SPTBN2: variants seen among roughly 807,000 people sequenced by gnomAD.
SPTBN2 encodes the protein spectrin beta, non-erythrocytic 2, also known as spectrin beta chain, non-erythrocytic 2.
SPTBN2 carries 107 observed loss-of-function variants against 284.2 expected under a neutral mutation model. The observed-to-expected ratio is 0.38, with a 90% CI of 0.32 to 0.44. SPTBN2 has a LOEUF of 0.44. SPTBN2 is among the 20% of genes least tolerant of loss of function. The pLI, the probability that SPTBN2 is intolerant of heterozygous loss-of-function variation, is 1.00. For missense variants in SPTBN2, 2,569 were observed against 3,287.1 expected, an observed-to-expected ratio of 0.78 and a Z score of 5.34; for synonymous variants, 1,289 against 1,354.8, an observed-to-expected ratio of 0.95 and a Z score of 1.07.
In SPTBN2 at chr11:66,708,027, C is replaced by CAA; in HGVS notation, c.1350+113_1350+114insTT. On this transcript the variant is annotated intron_variant, in intron 12 of 37. Transcript: ENST00000533211. This position sits in a 1 kb window ranked among gnomAD's most constrained non-coding sequence, Gnocchi z 4.4. ...GCTCCCGGACCTCTAGGCCTTTTTA[C>CAA]CCAGGTGACGGATTTTGTGTTTCAT... 2 of 1,550,900 alleles carry CAA rather than the reference C, an allele frequency of 1.3e-6. No homozygotes were observed. Among genetic ancestry groups the CAA allele is most frequent in the Non-Finnish European group, 1.8e-6 (2 of 1,128,848 alleles).
chr11:66,687,897 G>T lies in SPTBN2; in HGVS notation c.6472C>A (p.Leu2158Ile). Reference sequence around the variant, plus strand: ...CCTTCGGGGAAGCTGCTGTGCTCAAGTCTCTGTTGTCCCAGCAGGGGCTGC... The same window carrying T: ...CCTTCGGGGAAGCTGCTGTGCTCAATTCTCTGTTGTCCCAGCAGGGGCTGC... ...PSQPLLGQQR[L>I]EHSSFPEGPG... The change falls in exon 34 of 38, where the codon CTT becomes ATT. Residue 2158 changes from leucine to isoleucine, a missense_variant. This residue lies in a region of SPTBN2 where 1,130 missense variants were observed against 1,317.3 expected (regional missense o/e 0.86). Transcript: ENST00000533211. This position sits in a 1 kb window ranked among gnomAD's most constrained non-coding sequence, Gnocchi z 5.2. 6.2e-7 allele frequency: 1 copy of T among 1,614,174 alleles called. No homozygotes were observed. The highest frequency in any genetic ancestry group is 8.5e-7 in the Non-Finnish European group (1 of 1,180,034).
Position 66,687,794 on chromosome 11 carries a change from C to A in SPTBN2, c.6501+74G>T. 1 of 1,603,578 alleles carries A rather than the reference C, an allele frequency of 6.2e-7. No homozygotes were observed. Among genetic ancestry groups the A allele is most frequent in the Non-Finnish European group, 8.5e-7 (1 of 1,170,654 alleles). Reference sequence around the variant, plus strand: ...TCTCCCATCCCATCCCCAGTACTCCCCCACCCGCACTCACCACCCCCTCTG... The same window carrying A: ...TCTCCCATCCCATCCCCAGTACTCCACCACCCGCACTCACCACCCCCTCTG... On this transcript the variant is annotated intron_variant, in intron 34 of 37. Transcript: ENST00000533211. The surrounding 1 kb of genome is among the most constrained non-coding windows in gnomAD (Gnocchi z 5.2).
chr11:66,685,641 GGA>G lies in SPTBN2; in HGVS notation c.*228_*229del. 3.6e-6 allele frequency: 2 copies of G among 558,596 alleles called. No individual in the cohort carries two copies. Among genetic ancestry groups the G allele is most frequent in the Non-Finnish European group, 6.5e-6 (2 of 308,334 alleles). The allele number at this position is 558,596 out of a possible 1,614,324, so 34.6% of individuals were successfully genotyped here. On this transcript the variant is annotated 3_prime_UTR_variant, in exon 38 of 38. Coordinates refer to ENST00000533211, the MANE Select transcript of SPTBN2 (RefSeq NM_006946.4). This position sits in a 1 kb window ranked among gnomAD's most constrained non-coding sequence, Gnocchi z 4.4. ...GAAAGGGGAGAAGTCGGCGGGGGTG[GGA>G]GAGGGGGTTACCTGGGTCCCACCAC...
In SPTBN2 at chr11:66,707,600, C is replaced by T. The variant is rs765157121; in HGVS notation, c.1569G>A (p.Arg523=). 3.7e-6 allele frequency: 6 copies of T among 1,611,632 alleles called. No homozygotes were observed. The highest frequency in any genetic ancestry group is 3.3e-4 in the Middle Eastern group (2 of 6,076). Reference sequence around the variant, plus strand: ...CCAGGTTGAGGAGGAGCCGCTCCCGCCGGGCGGCCACCATCTGCCGCAAGA... The same window carrying T: ...CCAGGTTGAGGAGGAGCCGCTCCCGTCGGGCGGCCACCATCTGCCGCAAGA... The part of the protein sequence containing the change: ...WDFLRQMVAA[R]RERLLLNLEL... The change falls in exon 13 of 38, where the codon CGG becomes CGA. Residue 523 remains arginine (R), a synonymous_variant. Coordinates refer to ENST00000533211, the MANE Select transcript of SPTBN2 (RefSeq NM_006946.4). The surrounding 1 kb of genome is among the most constrained non-coding windows in gnomAD (Gnocchi z 4.9).
chr11:66,688,227 T>G lies in SPTBN2; in HGVS notation c.6316A>C (p.Ser2106Arg), dbSNP rs765304605. 5 of 1,613,674 alleles carry G rather than the reference T, an allele frequency of 3.1e-6. No homozygotes were observed. The highest frequency in any genetic ancestry group is 1.3e-5 in the African/African-American group (1 of 74,926). The change falls in exon 32 of 38, where the codon AGT becomes CGT. Residue 2106 changes from serine to arginine, a missense_variant. Physicochemically the swap from Ser to Arg is moderately radical, Grantham distance 110. This residue lies in a region of SPTBN2 where 1,130 missense variants were observed against 1,317.3 expected (regional missense o/e 0.86). Coordinates refer to ENST00000533211, the MANE Select transcript of SPTBN2 (RefSeq NM_006946.4). ...CCCACCAGGTCCCCTGGAGGCACACTGGCTGTGGGTTCGGGAGCAGGCGGC... is the reference window on the plus strand; with the variant it reads ...CCCACCAGGTCCCCTGGAGGCACACGGGCTGTGGGTTCGGGAGCAGGCGGC... ...KQPPAPEPTA[S>R]VPPGDLVGGQ...
At chr11:66,739,203 A>T (rs1197287005) in intron 1 of SPTBN2, among the ~76,000 whole-genome samples, 1 of 152,144 alleles carries the variant, frequency 6.6e-6, no homozygotes, top group Non-Finnish European at 1.5e-5. Context: ...GGCCTCCTCA[A>T]GTGCTGGGAT....
Position 66,720,979 on chromosome 11 carries a change from C to G in SPTBN2, c.157+105G>C. The G allele has an allele frequency of 3.3e-6, 5 of 1,505,112 alleles. No homozygotes were observed. In the Admixed American group the frequency reaches 5.8e-5, roughly 17 times the overall value. 93.2% of individuals were successfully genotyped at this position (1,505,112 alleles called of 1,614,324 possible). On this transcript the variant is annotated intron_variant, in intron 3 of 37. Transcript: ENST00000533211. Reference sequence around the variant, plus strand: ...TTGATAGAGTGCTCTGGGTCTCCCACTTAGAAAGAAAAGTCAGTCTTCCCA... The same window carrying G: ...TTGATAGAGTGCTCTGGGTCTCCCAGTTAGAAAGAAAAGTCAGTCTTCCCA...
At chr11:66,721,309 C>A (rs1942393150) in intron 2 of SPTBN2, 41 bp downstream of exon 2, 1 of 1,597,666 alleles carries the variant, frequency 6.3e-7, no homozygotes, top group Non-Finnish European at 8.6e-7. Flanking sequence ...GACCACCAAG[C>A]CCTCCACTCA....
At chr11:66,726,971 T>A (rs1177123533) in intron 1 of SPTBN2, among the ~76,000 whole-genome samples, 2 of 152,164 alleles carry the variant, frequency 1.3e-5, no homozygotes, top group Non-Finnish European at 2.9e-5. Flanking sequence ...CAGACTGTGT[T>A]CCTGATCAAT....
At position 66,687,488 on chromosome 11, in the gene SPTBN2, T is replaced by C. The variant is rs2135300688; in HGVS notation, c.6661A>G (p.Met2221Val). The change falls in exon 35 of 38, where the codon ATG (methionine) becomes GTG (valine). Residue 2221 changes from methionine to valine, a missense_variant. This residue lies in a region of SPTBN2 where 1,130 missense variants were observed against 1,317.3 expected (regional missense o/e 0.86). Coordinates refer to ENST00000533211, the MANE Select transcript of SPTBN2 (RefSeq NM_006946.4). This position sits in a 1 kb window ranked among gnomAD's most constrained non-coding sequence, Gnocchi z 5.2. ...TGCTTGCGGCACAGCATCCCCTCCA[T>C]CTGCTCCTGGGCAGATGGCTCTGGG... is the stretch of plus-strand genomic sequence containing the variant. Reference protein sequence around the residue: ...RGPEPSAQEQMEGMLCRKQEM... With the variant: ...RGPEPSAQEQVEGMLCRKQEM... 10 of 1,611,164 alleles carry C rather than the reference T, an allele frequency of 6.2e-6. No individual in the cohort carries two copies. Among genetic ancestry groups the C allele is most frequent in the Non-Finnish European group, 8.5e-6 (10 of 1,179,962 alleles).
intron 13 of SPTBN2, among the ~76,000 whole-genome samples, chr11:66,706,704 A>G (rs1373345718): frequency 1.4e-5 from 2 of 148,080 alleles, no homozygotes; most frequent in African/African-American, 2.5e-5. Flanking sequence ...ATCTTGGCTC[A>G]CTGCAACCTC....
In SPTBN2 at chr11:66,692,984, G is replaced by T; in HGVS notation, c.4971C>A (p.His1657Gln). The T allele has an allele frequency of 6.2e-7, 1 of 1,607,040 alleles. No individual in the cohort carries two copies. The highest frequency in any genetic ancestry group is 8.5e-7 in the Non-Finnish European group (1 of 1,179,974). The part of the protein sequence containing the change: ...LAASSQDMID[H>Q]EHPESTRISI... ...GCTGCACCCACCTCTCTGGGTGCTCGTGGTCAATCATGTCCTGGCTGCTGG... is the reference window on the plus strand; with the variant it reads ...GCTGCACCCACCTCTCTGGGTGCTCTTGGTCAATCATGTCCTGGCTGCTGG... Residue 1657 changes from histidine to glutamine, a missense_variant, in exon 25 of 38, where the codon CAC becomes CAA. By Grantham distance (24) the His-to-Gln change is conservative (BLOSUM62 0). Coordinates refer to ENST00000533211, the MANE Select transcript of SPTBN2 (RefSeq NM_006946.4).
chr11:66,719,341 C>CGCTGCTGGGCACATATACCAGGCGCCCT (rs1942289586), intron 3 of SPTBN2, among the ~76,000 whole-genome samples: 1 of 152,254 alleles, frequency 6.6e-6, no homozygotes, highest in Non-Finnish European at 1.5e-5. Flanking sequence ...CCAGACGCCC[C>CGCTGCTGGGCACATATACCAGGCGCCCT]GCTGCTGGGC....
At chr11:66,743,982 TC>T (rs1435524876) in intron 1 of SPTBN2, among the ~76,000 whole-genome samples, 1 of 151,854 alleles carries the variant, frequency 6.6e-6, no homozygotes, top group African/African-American at 2.4e-5. Flanking sequence ...TGCCTCAGCC[TC>T]CCGAGTAGCT....
chr11:66,691,960 A>C lies in SPTBN2; in HGVS notation c.5191-302T>G, dbSNP rs1940581272. Among the ~76,000 whole-genome samples, 1 of 152,068 alleles carries C rather than the reference A, an allele frequency of 6.6e-6. No homozygotes were observed. Among genetic ancestry groups the C allele is most frequent in the Admixed American group, 6.5e-5 (1 of 15,268 alleles). On this transcript the variant is annotated intron_variant, in intron 26 of 37. Coordinates refer to ENST00000533211, the MANE Select transcript of SPTBN2 (RefSeq NM_006946.4). The surrounding 1 kb of genome is among the most constrained non-coding windows in gnomAD (Gnocchi z 8.0). ...TACGACTGAGGGTCCAAGCCCCCAA[A>C]CTGTCGGGGGGGTGGATCATACTCC...
Position 66,739,777 on chromosome 11 carries a change from C to T in SPTBN2, c.-475+4765G>A, listed in dbSNP as rs374207379. ...GGCGCAGTGGCTCACGCCTGTAATC[C>T]CCCCAGCACTTTAGGAGGCTGAGAC... On this transcript the variant is annotated intron_variant, in intron 1 of 37. Transcript: ENST00000611817. Among the ~76,000 whole-genome samples the T allele has an allele frequency of 1.3e-4, 20 of 152,272 alleles. No homozygotes were observed. The East Asian group carries it at 2.3e-3, about 18-fold the overall frequency.
In SPTBN2 at chr11:66,707,145, G is replaced by A. The variant is rs1941605748; in HGVS notation, c.1653+371C>T. ...CTGTGCCGGCTGTTCCTTCTGCCCGGAACATTCTCTCCTGAGAGCTCTCTG... is the reference window on the plus strand; with the variant it reads ...CTGTGCCGGCTGTTCCTTCTGCCCGAAACATTCTCTCCTGAGAGCTCTCTG... On this transcript the variant is annotated intron_variant, in intron 13 of 37. Coordinates refer to ENST00000533211, the MANE Select transcript of SPTBN2 (RefSeq NM_006946.4). The surrounding 1 kb of genome is among the most constrained non-coding windows in gnomAD (Gnocchi z 4.9). Among the ~76,000 whole-genome samples the A allele has an allele frequency of 6.6e-6, 1 of 152,188 alleles. No individual in the cohort carries two copies. The highest frequency in any genetic ancestry group is 1.5e-5 in the Non-Finnish European group (1 of 68,032).
intron 1 of SPTBN2, among the ~76,000 whole-genome samples, chr11:66,738,055 A>C (rs1393726505): frequency 6.6e-6 from 1 of 152,156 alleles, no homozygotes; most frequent in South Asian, 2.1e-4. Flanking sequence ...TCTCTATGAA[A>C]AATACAAAAA....
At position 66,718,800 on chromosome 11, in the gene SPTBN2, G is replaced by A. The variant is rs758865117; in HGVS notation, c.157+2284C>T. Among the ~76,000 whole-genome samples, 8 of 152,262 alleles carry A rather than the reference G, an allele frequency of 5.3e-5. No homozygotes were observed. Among genetic ancestry groups the A allele is most frequent in the Non-Finnish European group, 7.3e-5 (5 of 68,036 alleles). On this transcript the variant is annotated intron_variant, in intron 3 of 37. Transcript: ENST00000533211. The surrounding 1 kb of genome is among the most constrained non-coding windows in gnomAD (Gnocchi z 4.8). ...CGGGGTGTCCCGAACTCCTGAGACA[G>A]AGAGTGGGGGCACGCCTGGCTGCGG...
Sources: allele counts gnomAD v4.1 joint callset (sites outside exome capture counted in the v4.1 genomes callset), GRCh38; gene constraint gnomAD v4.1.1; regional missense constraint gnomAD v4.1.1; non-coding constraint Gnocchi (gnomAD v3.1); transcripts MANE v1.5; gene names NCBI Gene and HGNC (gene_info 2026-07-23, HGNC 2026-07-21).